GPC5: variants seen among roughly 807,000 people sequenced by gnomAD.
GPC5 encodes the protein glypican 5, also known as glypican-5.
GPC5 carries 47 observed loss-of-function variants against 53.9 expected under a neutral mutation model. The observed-to-expected ratio is 0.87, with a 90% confidence interval of 0.69 to 1.11. GPC5 has a LOEUF of 1.11. Ranked by LOEUF, GPC5 falls within the 50% of genes most tolerant of loss-of-function variation. GPC5 has a pLI of 0.00. For synonymous variants in GPC5, 286 were observed against 263.3 expected, an observed-to-expected ratio of 1.09 and a Z score of -0.84; for missense variants, 748 against 713.1, an observed-to-expected ratio of 1.05 and a Z score of -0.56.
chr13:91,813,695 C>G (rs1194448961), intron 5 of GPC5, among the ~76,000 whole-genome samples: 2 of 152,032 alleles, frequency 1.3e-5, no homozygotes, highest in East Asian at 1.9e-4. Flanking sequence ...TGAACTGATT[C>G]AAATTTCTCC....
chr13:92,003,280 C>T (rs530615564), intron 6 of GPC5, among the ~76,000 whole-genome samples: 3 of 149,202 alleles, frequency 2.0e-5, no homozygotes, highest in African/African-American at 7.4e-5. Flanking sequence ...AAGATGGCAC[C>T]ACTGCACCCC....
intron 7 of GPC5, among the ~76,000 whole-genome samples, chr13:92,520,079 T>G (rs1422378714): frequency 1.1e-4 from 16 of 151,758 alleles, no homozygotes; most frequent in Admixed American, 2.0e-4. Flanking sequence ...ACTAAACCAG[T>G]AAGAAGTTGA....
At chr13:92,443,963 C>T (rs1236796733) in intron 7 of GPC5, among the ~76,000 whole-genome samples, 1 of 152,080 alleles carries the variant, frequency 6.6e-6, no homozygotes, top group Non-Finnish European at 1.5e-5. Flanking sequence ...CTATTATTTC[C>T]CAGTCATGCT....
intron 7 of GPC5, among the ~76,000 whole-genome samples, chr13:92,743,219 A>G (rs1889153643): frequency 6.6e-6 from 1 of 152,166 alleles, no homozygotes; most frequent in African/African-American, 2.4e-5. Flanking sequence ...ATCCATGAGC[A>G]TGAAATGTTC....
chr13:92,428,336 A>T (rs986006009), intron 7 of GPC5, among the ~76,000 whole-genome samples: 1 of 152,142 alleles, frequency 6.6e-6, no homozygotes, highest in Non-Finnish European at 1.5e-5. Context: ...CTCTGAAAGC[A>T]TCATGTGAAC....
chr13:92,582,080 C>T (rs1375053794), intron 7 of GPC5, among the ~76,000 whole-genome samples: 2 of 152,028 alleles, frequency 1.3e-5, no homozygotes, highest in South Asian at 2.1e-4. Flanking sequence ...TCTATTTTTG[C>T]TTTGTACTTT....
In GPC5 at chr13:92,725,310, A is replaced by G. The variant is rs142367321; in HGVS notation, c.1562-140972A>G. On this transcript the variant is annotated intron_variant, in intron 7 of 7. Coordinates refer to ENST00000377067, the MANE Select transcript of GPC5 (RefSeq NM_004466.6). ...AAATATGAGTAATTTGTTTAAGAGT[A>G]CCCTCCGTTATATATCTGTTCTCCT... Among the ~76,000 whole-genome samples the G allele has an allele frequency of 1.9e-4, 29 of 151,574 alleles. No homozygotes were observed. The East Asian group carries it at 4.1e-3, about 21-fold the overall frequency.
At chr13:92,119,495 G>T (rs1283221726) in intron 6 of GPC5, among the ~76,000 whole-genome samples, 1 of 144,840 alleles carries the variant, frequency 6.9e-6, no homozygotes, top group Admixed American at 7.2e-5. Flanking sequence ...GCCCCCCGGG[G>T]TTCACACCAT....
intron 7 of GPC5, among the ~76,000 whole-genome samples, chr13:92,347,855 A>ATATATATATTATATATTATATATATAT (rs2043426945): frequency 4.4e-5 from 1 of 22,816 alleles, no homozygotes; most frequent in Non-Finnish European, 6.2e-5. Flanking sequence ...TGTTTTATAC[A>ATATATATATTATATATTATATATATAT]TATATATATT....
At chr13:92,136,397 G>T (rs1176998050) in intron 6 of GPC5, among the ~76,000 whole-genome samples, 1 of 152,022 alleles carries the variant, frequency 6.6e-6, no homozygotes, top group Non-Finnish European at 1.5e-5. Flanking sequence ...ATTATTTAAA[G>T]ATGGTTTATC....
intron 6 of GPC5, among the ~76,000 whole-genome samples, chr13:92,035,317 A>G (rs1294363595): frequency 6.6e-6 from 1 of 151,734 alleles, no homozygotes; most frequent in Non-Finnish European, 1.5e-5. Context: ...CGATTCTCCC[A>G]TTACTTCCTC....
chr13:92,416,312 G>T (rs533540681), intron 7 of GPC5, among the ~76,000 whole-genome samples: 13 of 152,122 alleles, frequency 8.5e-5, no homozygotes, highest in African/African-American at 2.9e-4. Flanking sequence ...GATAGTTTAA[G>T]GTGTAAGAAG....
At chr13:92,555,661 T>G (rs1882468710) in intron 7 of GPC5, among the ~76,000 whole-genome samples, 1 of 149,952 alleles carries the variant, frequency 6.7e-6, no homozygotes, top group Non-Finnish European at 1.5e-5. Context: ...TAATTTAAAA[T>G]TAGACATATA....
intron 7 of GPC5, among the ~76,000 whole-genome samples, chr13:92,781,243 T>C (rs189111377): frequency 6.6e-6 from 1 of 152,244 alleles, no homozygotes; most frequent in Admixed American, 6.5e-5. Context: ...AATAAAAAAC[T>C]GAATGTAGTA....
chr13:91,462,184 G>A (rs1881976255), intron 2 of GPC5, among the ~76,000 whole-genome samples: 1 of 152,098 alleles, frequency 6.6e-6, no homozygotes, highest in South Asian at 2.1e-4. Context: ...AAACGCCGTG[G>A]TCTTATTAGT....
chr13:92,840,430 A>C lies in GPC5; in HGVS notation c.1562-25852A>C, dbSNP rs114035929. 6.7e-3 allele frequency among the ~76,000 whole-genome samples: 1,011 copies of C among 151,970 alleles called. 14 individuals carry two copies. The highest frequency in any genetic ancestry group is 0.023 in the African/African-American group (959 of 41,446). On this transcript the variant is annotated intron_variant, in intron 7 of 7. Transcript: ENST00000377067. ...TTGAAAACCATGTACAGAAAGTTTC[A>C]TTTCTCGACTCCCTAAATTTATTCC...
intron 6 of GPC5, among the ~76,000 whole-genome samples, chr13:91,952,137 C>G (rs1056767313): frequency 2.0e-5 from 3 of 151,948 alleles, no homozygotes; most frequent in Non-Finnish European, 4.4e-5. Context: ...ATACAGAAAT[C>G]AGTCTTGTCA....
chr13:92,055,651 C>T (rs78570686), intron 6 of GPC5, among the ~76,000 whole-genome samples: 5,425 of 152,278 alleles, frequency 0.036, 134 homozygotes, highest in Middle Eastern at 0.055. Flanking sequence ...AGTTGAAATG[C>T]TTGTTTCCTT....
intron 6 of GPC5, among the ~76,000 whole-genome samples, chr13:92,070,693 A>G (rs183145242): frequency 6.6e-6 from 1 of 152,318 alleles, no homozygotes; most frequent in East Asian, 1.9e-4. Flanking sequence ...TAACACATGA[A>G]TGCATCTCGG....
Sources: allele counts gnomAD v4.1 joint callset (sites outside exome capture counted in the v4.1 genomes callset), GRCh38; gene constraint gnomAD v4.1.1; transcripts MANE v1.5; gene names NCBI Gene and HGNC (gene_info 2026-07-23, HGNC 2026-07-21).